The following ELMO1 variants were observed in gnomAD, a reference collection of about 807,000 sequenced individuals.
ELMO1 encodes engulfment and cell motility 1, also known as engulfment and cell motility protein 1.
Under a neutral mutation model 98.9 loss-of-function variants are expected in ELMO1, and 26 were observed. That is an observed-to-expected ratio of 0.26 (90% confidence interval 0.19 to 0.36). ELMO1 has a LOEUF of 0.36. Among genes scored for constraint, ELMO1 ranks in the 10% least tolerant of loss-of-function variants. ELMO1 has a pLI of 1.00. For missense variants in ELMO1, 627 were observed against 935.2 expected (o/e 0.67, Z 4.30); for synonymous variants, 346 against 346.0 (o/e 1.00, Z 0.00).
At position 37,331,781 on chromosome 7, in the gene ELMO1, GAA is replaced by G. The variant is rs546457757; in HGVS notation, c.78+10830_78+10831del. On this transcript the variant is annotated intron_variant, in intron 2 of 21. Coordinates refer to ENST00000310758, the MANE Select transcript of ELMO1 (RefSeq NM_014800.11). ...ACTGATTGGATAAAAAGATGAGGGA[GAA>G]AAAAAGAGTCTAAAAGACACAACAT... is the stretch of plus-strand genomic sequence containing the variant. 6.6e-5 allele frequency among the ~76,000 whole-genome samples: 10 copies of G among 152,028 alleles called. No individual in the cohort carries two copies. In the East Asian group the frequency reaches 1.5e-3, roughly 24 times the overall value.
chr7:37,133,087 G>T, intron 14 of ELMO1, 43 bp downstream of exon 14: 1 of 1,479,510 alleles, frequency 6.8e-7, no homozygotes, highest in South Asian at 1.2e-5. Context: ...AATTAACATT[G>T]AGTAGGAAAC....
intron 18 of ELMO1, among the ~76,000 whole-genome samples, chr7:36,880,275 G>T (rs1388713161): frequency 6.6e-6 from 1 of 152,190 alleles, no homozygotes; most frequent in African/African-American, 2.4e-5. Flanking sequence ...GGAATCCCTT[G>T]CTTCTCAAGC....
At chr7:36,961,430 CAAT>C (rs528381334) in intron 16 of ELMO1, among the ~76,000 whole-genome samples, 122 of 152,168 alleles carry the variant, frequency 8.0e-4, no homozygotes, top group African/African-American at 2.8e-3. Flanking sequence ...GTGATATTAA[CAAT>C]ATTAGTAGCC....
chr7:36,947,975 A>G (rs1283552920), intron 16 of ELMO1, among the ~76,000 whole-genome samples: 1 of 152,226 alleles, frequency 6.6e-6, no homozygotes, highest in Non-Finnish European at 1.5e-5. Flanking sequence ...GACATAAGCT[A>G]GGCAAACACT....
intron 16 of ELMO1, among the ~76,000 whole-genome samples, chr7:36,922,519 C>A (rs1785230132): frequency 6.6e-6 from 1 of 151,894 alleles, no homozygotes; most frequent in South Asian, 2.1e-4. Context: ...TAGTTTTATT[C>A]TTGGATTGCG....
At chr7:37,310,920 A>C (rs376998034) in intron 4 of ELMO1, among the ~76,000 whole-genome samples, 2 of 152,156 alleles carry the variant, frequency 1.3e-5, no homozygotes, top group Non-Finnish European at 2.9e-5. Flanking sequence ...TAAACTAACA[A>C]TGCTTAGTGC....
At chr7:37,352,154 G>A (rs192803168) in intron 1 of ELMO1, among the ~76,000 whole-genome samples, 1 of 152,248 alleles carries the variant, frequency 6.6e-6, no homozygotes, top group Admixed American at 6.5e-5. Flanking sequence ...TTATAAACAA[G>A]GAAACCAAGA....
chr7:37,157,071 A>G (rs1788827366), intron 13 of ELMO1, among the ~76,000 whole-genome samples: 1 of 152,102 alleles, frequency 6.6e-6, no homozygotes, highest in South Asian at 2.1e-4. Context: ...AAAAACCACG[A>G]TTATCTCAAT....
At chr7:37,120,299 A>C (rs1785916996) in intron 14 of ELMO1, among the ~76,000 whole-genome samples, 1 of 152,242 alleles carries the variant, frequency 6.6e-6, no homozygotes, top group East Asian at 1.9e-4. Flanking sequence ...GGTGCAGCGC[A>C]CCAAGCGTGA....
Position 37,086,743 on chromosome 7 carries a change from C to CAAA in ELMO1, c.1300+9873_1300+9875dup, listed in dbSNP as rs755237121. Among the ~76,000 whole-genome samples, 254 of 48,696 alleles carry CAAA rather than the reference C, an allele frequency of 5.2e-3. 4 individuals are homozygous for CAAA. The highest frequency in any genetic ancestry group is 0.017 in the African/African-American group (237 of 14,004). The allele number at this position is 48,696 out of a possible 152,430, so 31.9% of individuals were successfully genotyped here. ...GGGCAACAGAGTGAGATCCTGTCTCCAAAAAAAAAAAAAAAAAAAAAAGAA... is the reference window on the plus strand; with the variant it reads ...GGGCAACAGAGTGAGATCCTGTCTCCAAAAAAAAAAAAAAAAAAAAAAAAAGAA... On this transcript the variant is annotated intron_variant, in intron 15 of 21. Coordinates refer to ENST00000310758, the MANE Select transcript of ELMO1 (RefSeq NM_014800.11).
At chr7:37,289,873 A>G (rs1031317775) in intron 4 of ELMO1, among the ~76,000 whole-genome samples, 4 of 152,132 alleles carry the variant, frequency 2.6e-5, no homozygotes, top group Admixed American at 2.6e-4. Context: ...GTTCAACATT[A>G]CAAGCATTAA....
intron 13 of ELMO1, among the ~76,000 whole-genome samples, chr7:37,179,270 C>T (rs1164517588): frequency 1.4e-5 from 2 of 143,090 alleles, no homozygotes; most frequent in Non-Finnish European, 3.0e-5. Context: ...TGAATGTTTG[C>T]ATATAGCTCT....
At chr7:37,209,270 A>G (rs1434411469) in intron 13 of ELMO1, among the ~76,000 whole-genome samples, 1 of 152,182 alleles carries the variant, frequency 6.6e-6, no homozygotes, top group Non-Finnish European at 1.5e-5. Flanking sequence ...CCCAGATTCT[A>G]TAGTAATCCT....
rs78671322 is a variant in ELMO1 at position 36,906,419 on chromosome 7, T to C, written c.1438-11402A>G. ...CAAATACATTCAGCTGAATTATTAA[T>C]GAAATATTGAAACAATACATATGTC... On this transcript the variant is annotated intron_variant, in intron 16 of 21. Transcript: ENST00000310758. Among the ~76,000 whole-genome samples the C allele has an allele frequency of 3.1e-3, 473 of 152,388 alleles. 16 individuals are homozygous for C. In the East Asian group the frequency reaches 0.078, roughly 25 times the overall value.
In ELMO1 at chr7:36,964,404, A is replaced by G. The variant is rs917740089; in HGVS notation, c.1437+48895T>C. Among the ~76,000 whole-genome samples the G allele has an allele frequency of 5.7e-4, 87 of 152,302 alleles. 1 individual carries two copies. Among genetic ancestry groups the G allele is most frequent in the African/African-American group, 2.0e-3 (85 of 41,556 alleles). On this transcript the variant is annotated intron_variant, in intron 16 of 21. Transcript: ENST00000310758. ...AATAAAGGGTTAAGTATTTCATGTA[A>G]TTTATTAAATACTATACTGAAAGTA... is the stretch of plus-strand genomic sequence containing the variant.
At chr7:37,370,044 A>C (rs1802055249) in intron 1 of ELMO1, among the ~76,000 whole-genome samples, 1 of 152,208 alleles carries the variant, frequency 6.6e-6, no homozygotes. Context: ...AATAACCAGG[A>C]AACATTAACC....
chr7:37,102,766 C>A (rs1307998109), intron 14 of ELMO1, among the ~76,000 whole-genome samples: 1 of 152,174 alleles, frequency 6.6e-6, no homozygotes, highest in Non-Finnish European at 1.5e-5. Context: ...TCACACAGCA[C>A]AGAAATAAAC....
intron 2 of ELMO1, among the ~76,000 whole-genome samples, chr7:37,317,426 G>A (rs756298159): frequency 4.6e-5 from 7 of 152,146 alleles, no homozygotes; most frequent in Non-Finnish European, 1.0e-4. Flanking sequence ...AGCAATCTAA[G>A]AGTCCATCAA....
At chr7:37,245,106 T>C (rs1424488996) in intron 6 of ELMO1, among the ~76,000 whole-genome samples, 2 of 152,106 alleles carry the variant, frequency 1.3e-5, no homozygotes, top group Non-Finnish European at 2.9e-5. Flanking sequence ...GAAACATCCA[T>C]CCCCTCTTTG....
Sources: gnomAD v4.1 joint callset for allele counts (sites outside exome capture counted in the v4.1 genomes callset) on GRCh38, gnomAD v4.1.1 for gene constraint, MANE v1.5 for transcripts, NCBI Gene and HGNC (gene_info 2026-07-23, HGNC 2026-07-21) for gene names.